The following NMU variants were observed in gnomAD, a reference collection of about 807,000 sequenced individuals.
NMU encodes the protein neuromedin-U.
NMU carries 29 observed loss-of-function variants against 35.4 expected under a neutral mutation model. The observed-to-expected ratio is 0.82, with a 90% confidence interval of 0.61 to 1.12. NMU has a LOEUF of 1.12. Among genes scored for constraint, NMU ranks in the 50% most tolerant of loss-of-function variants. The pLI is 0.00. For missense variants in NMU, 199 were observed against 206.2 expected, an observed-to-expected ratio of 0.97 and a Z score of 0.21; for synonymous variants, 78 against 81.3, an observed-to-expected ratio of 0.96 and a Z score of 0.22.
chr4:55,625,207 C>T (rs186332456), intron 2 of NMU, among the ~76,000 whole-genome samples: 1 of 145,036 alleles, frequency 6.9e-6, no homozygotes, highest in Non-Finnish European at 1.5e-5. Context: ...GATATTAGGC[C>T]TGAGTCACCT....
At chr4:55,615,941 G>A (rs187849481) in intron 3 of NMU, among the ~76,000 whole-genome samples, 1 of 152,078 alleles carries the variant, frequency 6.6e-6, no homozygotes, top group African/African-American at 2.4e-5. Context: ...TGGAGACGGG[G>A]TCTTGCTATG....
rs1560513384 is a variant in NMU at position 55,603,929 on chromosome 4, AT to A, written c.435+1345del. On this transcript the variant is annotated intron_variant, in intron 7 of 9. Transcript: ENST00000264218. ...TCCGTCTCAAAAAAAAAAAAAAAAT[AT>A]ATATATATATATATATGTATATATG... 7.9e-4 allele frequency among the ~76,000 whole-genome samples: 24 copies of A among 30,392 alleles called. 1 individual carries two copies. The highest frequency in any genetic ancestry group is 1.2e-3 in the South Asian group (1 of 804). 19.9% of individuals were successfully genotyped at this position (30,392 alleles called of 152,430 possible).
Position 55,636,112 on chromosome 4 carries a change from C to CAGA in NMU, c.80_81insTCT (p.Leu29dup). 6.5e-7 allele frequency: 1 copy of CAGA among 1,528,918 alleles called. No individual in the cohort carries two copies. The highest frequency in any genetic ancestry group is 2.5e-5 in the East Asian group (1 of 40,324). The allele number at this position is 1,528,918 out of a possible 1,614,324, so 94.7% of individuals were successfully genotyped here. A position where few individuals can be genotyped will look rare whatever the true frequency, so the allele number is the denominator to read the frequency against. On this transcript the variant is annotated inframe_insertion, in exon 1 of 10. Transcript: ENST00000264218. This position sits in a 1 kb window ranked among gnomAD's most constrained non-coding sequence, Gnocchi z 4.0. ...AGGCGCCCGCGCACCAGGCGAGCAG[C>CAGA]AGCAGCAGCAGCAGGAGCGGGGACG... is the stretch of plus-strand genomic sequence containing the variant.
At chr4:55,605,401 G>C in intron 6 of NMU, 52 bp from the exon 7 acceptor site, 1 of 1,252,088 alleles carries the variant, frequency 8.0e-7, no homozygotes, top group Non-Finnish European at 1.2e-6. Context: ...CTCAGCAGTG[G>C]CCATCAAGAC....
chr4:55,633,766 T>C (rs1715745959), intron 1 of NMU, among the ~76,000 whole-genome samples: 1 of 152,198 alleles, frequency 6.6e-6, no homozygotes, highest in Admixed American at 6.5e-5. Flanking sequence ...TGAGAAATCG[T>C]TACTGCCAAG....
intron 1 of NMU, among the ~76,000 whole-genome samples, chr4:55,634,056 A>C (rs1395379484): frequency 6.6e-6 from 1 of 152,138 alleles, no homozygotes; most frequent in Admixed American, 6.5e-5. Flanking sequence ...GTTTTTTGCC[A>C]AGGATGCTGC....
chr4:55,636,287 G>A lies in NMU; in HGVS notation c.-95C>T. The A allele has an allele frequency of 1.5e-6, 2 of 1,379,076 alleles. No individual in the cohort carries two copies. Among genetic ancestry groups the A allele is most frequent in the Non-Finnish European group, 1.9e-6 (2 of 1,072,602 alleles). 85.4% of individuals were successfully genotyped at this position (1,379,076 alleles called of 1,614,324 possible). A position where few individuals can be genotyped will look rare whatever the true frequency, so the allele number is the denominator to read the frequency against. Reference sequence around the variant, plus strand: ...GTGCCCTGGCTGTGCCTCGGGGCCCGGACACAGGACTGAGCGCCCGGCGAG... The same window carrying A: ...GTGCCCTGGCTGTGCCTCGGGGCCCAGACACAGGACTGAGCGCCCGGCGAG... On this transcript the variant is annotated 5_prime_UTR_variant, in exon 1 of 10. Coordinates refer to ENST00000264218, the MANE Select transcript of NMU (RefSeq NM_006681.4). This position sits in a 1 kb window ranked among gnomAD's most constrained non-coding sequence, Gnocchi z 4.0.
chr4:55,632,597 C>G (rs141212722), intron 1 of NMU, among the ~76,000 whole-genome samples: 5 of 152,280 alleles, frequency 3.3e-5, no homozygotes, highest in African/African-American at 1.2e-4. Context: ...CTGGTAGATC[C>G]TACCCTGAGC....
chr4:55,601,097 T>G (rs1159023707), intron 7 of NMU, among the ~76,000 whole-genome samples: 1 of 152,134 alleles, frequency 6.6e-6, no homozygotes, highest in African/African-American at 2.4e-5. Flanking sequence ...AGGATAGATG[T>G]TCCTAATATA....
intron 9 of NMU, 140 bp downstream of exon 9, chr4:55,599,002 A>C (rs62310885): frequency 1.6e-6 from 1 of 621,966 alleles, no homozygotes; most frequent in East Asian, 2.9e-5. Context: ...ATTCATGTAC[A>C]TATGCAATCA....
intron 6 of NMU, among the ~76,000 whole-genome samples, chr4:55,606,396 C>A (rs1733684397): frequency 6.6e-6 from 1 of 152,158 alleles, no homozygotes; most frequent in Admixed American, 6.5e-5. Flanking sequence ...TTAAAGTGAA[C>A]TGAATTCAAA....
intron 2 of NMU, among the ~76,000 whole-genome samples, chr4:55,625,274 C>G (rs1734481325): frequency 6.9e-6 from 1 of 144,490 alleles, no homozygotes; most frequent in Non-Finnish European, 1.5e-5. Context: ...AGAATGTATA[C>G]TTTTTTTTTG....
At chr4:55,605,406 C>T (rs372670182) in intron 6 of NMU, 57 bp from the exon 7 acceptor site, 9 of 1,209,382 alleles carry the variant, frequency 7.4e-6, no homozygotes, top group African/African-American at 6.0e-5. Context: ...CAGTGGCCAT[C>T]AAGACGGTTT....
intron 4 of NMU, 88 bp from the exon 5 acceptor site, chr4:55,607,554 A>G (rs1398375410): frequency 4.2e-6 from 2 of 480,242 alleles, no homozygotes; most frequent in South Asian, 7.8e-5. Context: ...TATAACACAT[A>G]ATTATTTAAA....
At chr4:55,605,390 T>A (rs1733638587) in intron 6 of NMU, 41 bp from the exon 7 acceptor site, 3 of 1,358,246 alleles carry the variant, frequency 2.2e-6, no homozygotes, top group Non-Finnish European at 2.1e-6. Flanking sequence ...GTGCATGGCT[T>A]CTCAGCAGTG....
At chr4:55,634,563 T>C (rs1282085523) in intron 1 of NMU, among the ~76,000 whole-genome samples, 2 of 152,192 alleles carry the variant, frequency 1.3e-5, no homozygotes, top group Non-Finnish European at 2.9e-5. Context: ...CAGTTATCTC[T>C]GATGCAAATT....
intron 7 of NMU, among the ~76,000 whole-genome samples, chr4:55,602,905 T>G: frequency 6.6e-6 from 1 of 152,248 alleles, no homozygotes; most frequent in Non-Finnish European, 1.5e-5. Context: ...TATGTGTTTT[T>G]AAAAGTATCT....
intron 2 of NMU, among the ~76,000 whole-genome samples, chr4:55,625,925 T>C (rs1316952161): frequency 1.3e-5 from 2 of 151,908 alleles, no homozygotes; most frequent in Non-Finnish European, 1.5e-5. Context: ...GACAGCTGGG[T>C]TTCCTCCATT....
At chr4:55,603,708 C>A (rs973792940) in intron 7 of NMU, among the ~76,000 whole-genome samples, 5 of 151,162 alleles carry the variant, frequency 3.3e-5, no homozygotes, top group Non-Finnish European at 7.4e-5. Flanking sequence ...GTCAGGAGAT[C>A]GAGACCATCC....
Sources: allele counts gnomAD v4.1 joint callset (sites outside exome capture counted in the v4.1 genomes callset), GRCh38; gene constraint gnomAD v4.1.1; non-coding constraint Gnocchi (gnomAD v3.1); transcripts MANE v1.5; gene names NCBI Gene and HGNC (gene_info 2026-07-23, HGNC 2026-07-21).